CYB561: variants seen among roughly 807,000 people sequenced by gnomAD.
CYB561 encodes cytochrome b561, also known as transmembrane ascorbate-dependent reductase CYB561.
In CYB561, 11 loss-of-function variants were observed where a neutral mutation model predicts 25.3. The observed-to-expected ratio is 0.44, with a 90% confidence interval of 0.27 to 0.72. The LOEUF (loss-of-function observed/expected upper bound fraction) is 0.72, where lower values mean the gene tolerates loss of function less well. CYB561 is among the 30% of genes least tolerant of loss of function. The probability of loss-of-function intolerance (pLI) is 0.18; values close to 1 mark genes in which losing one functional copy is unlikely to be tolerated. For synonymous variants in CYB561, 165 were observed against 158.8 expected, an observed-to-expected ratio of 1.04 and a Z score of -0.29; for missense variants, 295 against 334.9, an observed-to-expected ratio of 0.88 and a Z score of 0.93.
chr17:63,437,787 C>G, intron 1 of CYB561: 1 of 471,248 alleles, frequency 2.1e-6, no homozygotes, highest in Non-Finnish European at 3.8e-6. Flanking sequence ...AACACCCCCC[C>G]CGGGTTGCGC....
chr17:63,443,472 G>T (rs2049396040), intron 1 of CYB561, among the ~76,000 whole-genome samples: 1 of 152,226 alleles, frequency 6.6e-6, no homozygotes. Context: ...AAGCAGCAGA[G>T]CCTGAAGTCA....
intron 4 of CYB561, chr17:63,435,449 C>A: frequency 1.5e-6 from 1 of 681,024 alleles, no homozygotes; most frequent in Non-Finnish European, 2.5e-6. Context: ...GGCCTTGGCA[C>A]ACTCAGAAAG....
In CYB561 at chr17:63,434,191, C is replaced by G. The variant is rs565773583; in HGVS notation, c.*211G>C. ...GAAGGGGGCAACAGAGACACGGGAGCCACACACAATGAACTGGTCTATAGC... is the reference window on the plus strand; with the variant it reads ...GAAGGGGGCAACAGAGACACGGGAGGCACACACAATGAACTGGTCTATAGC... On this transcript the variant is annotated 3_prime_UTR_variant, in exon 6 of 6. Transcript: ENST00000360793. The G allele has an allele frequency of 5.5e-6, 3 of 545,502 alleles. No homozygotes were observed. The allele number at this position is 545,502 out of a possible 1,614,324, so 33.8% of individuals were successfully genotyped here. A position where few individuals can be genotyped will look rare whatever the true frequency, so the allele number is the denominator to read the frequency against.
Position 63,436,994 on chromosome 17 carries a change from ACT to A in CYB561, c.202+350_202+351del, listed in dbSNP as rs1224113356. The A allele has an allele frequency of 9.2e-6, 3 of 325,760 alleles. No individual in the cohort carries two copies. Among genetic ancestry groups the A allele is most frequent in the Admixed American group, 9.5e-5 (2 of 21,154 alleles). 20.2% of individuals were successfully genotyped at this position (325,760 alleles called of 1,614,324 possible). On this transcript the variant is annotated intron_variant, in intron 2 of 5. Coordinates refer to ENST00000360793, the MANE Select transcript of CYB561 (RefSeq NM_001915.4). The surrounding 1 kb of genome is among the most constrained non-coding windows in gnomAD (Gnocchi z 4.8). ...CGCGCGCACGCACGCACGCATACAA[ACT>A]CTCACATATGATTACTTTTTTTCCC...
chr17:63,432,330 C>CTGT lies in CYB561; in HGVS notation c.*2069_*2071dup, dbSNP rs2049231391. 1.3e-5 allele frequency: 2 copies of CTGT among 152,208 alleles called. No individual in the cohort carries two copies. The highest frequency in any genetic ancestry group is 4.1e-4 in the South Asian group (2 of 4,830). 9.4% of individuals were successfully genotyped at this position (152,208 alleles called of 1,614,324 possible). A position where few individuals can be genotyped will look rare whatever the true frequency, so the allele number is the denominator to read the frequency against. On this transcript the variant is annotated 3_prime_UTR_variant, in exon 6 of 6. Transcript: ENST00000360793. The stretch of plus-strand genomic sequence containing the variant: ...CTGCTGTAGACATTTATTGAATCAT[C>CTGT]TGTTGCACCAACAGCACATTGTATT...
chr17:63,437,938 G>T (rs1391454839), intron 1 of CYB561: 1 of 761,182 alleles, frequency 1.3e-6, no homozygotes, highest in East Asian at 3.0e-5. Context: ...TAGAGACTGC[G>T]CCTGAGATGC....
In CYB561 at chr17:63,435,756, CCTT is replaced by C. The variant is rs1200800020; in HGVS notation, c.334_336del (p.Lys112del). On this transcript the variant is annotated inframe_deletion, in exon 4 of 6. Transcript: ENST00000360793. Reference sequence around the variant, plus strand: ...TGTAGGCTGTACAGGTCAGCGTAGCCCTTCTTCCTGTGGTAGTCGAACACCGCC... The same window carrying C: ...TGTAGGCTGTACAGGTCAGCGTAGCCCTTCCTGTGGTAGTCGAACACCGCC... 2 of 1,614,084 alleles carry C rather than the reference CCTT, an allele frequency of 1.2e-6. No individual in the cohort carries two copies. The highest frequency in any genetic ancestry group is 1.7e-6 in the Non-Finnish European group (2 of 1,180,048).
intron 1 of CYB561, chr17:63,437,927 C>G (rs2049329256): frequency 4.3e-6 from 3 of 704,282 alleles, no homozygotes; most frequent in Admixed American, 6.3e-5. Flanking sequence ...CGCACAGCCC[C>G]TAGAGACTGC....
At position 63,436,107 on chromosome 17, in the gene CYB561, G is replaced by A. The variant is rs765005122; in HGVS notation, c.248C>T (p.Thr83Ile). 1 of 1,614,240 alleles carries A rather than the reference G, an allele frequency of 6.2e-7. No homozygotes were observed. The highest frequency in any genetic ancestry group is 8.5e-7 in the Non-Finnish European group (1 of 1,180,026). Residue 83 changes from threonine (T) to isoleucine (I), a missense_variant, in exon 3 of 6, where the codon ACC (threonine) becomes ATC (isoleucine). Transcript: ENST00000360793. The surrounding 1 kb of genome is among the most constrained non-coding windows in gnomAD (Gnocchi z 4.8). ...GTGCAGCAGCCCGTGCAGGACCTTG[G>A]TGGTGCGTTTAGCTTCGTTCCTGAA... ...RVFRNEAKRT[T>I]KVLHGLLHIF...
upstream of CYB561, among the ~76,000 whole-genome samples, chr17:63,446,565 G>C (rs1487859852): frequency 6.6e-6 from 1 of 152,074 alleles, no homozygotes; most frequent in Admixed American, 6.5e-5. Context: ...GCCTGCGGGG[G>C]TGGAGGGCCG....
intron 1 of CYB561, among the ~76,000 whole-genome samples, chr17:63,438,769 T>TATGAG (rs2049344327): frequency 6.6e-6 from 1 of 152,134 alleles, no homozygotes; most frequent in South Asian, 2.1e-4. Context: ...AAGGCCCCGC[T>TATGAG]AAGAGCCCAA....
rs568466565 is a variant in CYB561 at position 63,436,302 on chromosome 17, G to A, written c.203-150C>T. Reference sequence around the variant, plus strand: ...TGCAGGAACCGGAGGAGAAAGCCAGGTTCCCTGGGGACCCTGGGCAGCTCC... The same window carrying A: ...TGCAGGAACCGGAGGAGAAAGCCAGATTCCCTGGGGACCCTGGGCAGCTCC... On this transcript the variant is annotated intron_variant, in intron 2 of 5. Transcript: ENST00000360793. The surrounding 1 kb of genome is among the most constrained non-coding windows in gnomAD (Gnocchi z 4.8). 1.3e-5 allele frequency: 13 copies of A among 1,037,042 alleles called. No individual in the cohort carries two copies. Among genetic ancestry groups the A allele is most frequent in the Admixed American group, 5.2e-5 (2 of 38,680 alleles). 64.2% of individuals were successfully genotyped at this position (1,037,042 alleles called of 1,614,324 possible). A position where few individuals can be genotyped will look rare whatever the true frequency, so the allele number is the denominator to read the frequency against.
intron 1 of CYB561, among the ~76,000 whole-genome samples, chr17:63,440,399 G>GC (rs890169104): frequency 4.6e-5 from 7 of 152,062 alleles, no homozygotes; most frequent in Non-Finnish European, 7.4e-5. Context: ...CATCCTCACT[G>GC]CCCCACCCAA....
chr17:63,437,486 TG>T lies in CYB561; in HGVS notation c.61del (p.Gln21SerfsTer5), dbSNP rs1412289206. 6.2e-7 allele frequency: 1 copy of T among 1,613,610 alleles called. No individual in the cohort carries two copies. The highest frequency in any genetic ancestry group is 1.3e-5 in the African/African-American group (1 of 74,914). On this transcript the variant is annotated frameshift_variant, in exon 2 of 6. Transcript: ENST00000360793. LOFTEE classifies it high-confidence loss of function. ...TALPYYVAFS[Q>X]LLGLTLVAMT... ...GGCCACCAAGGTCAGGCCCAGCAGC[TG>T]GGAGAAGGCCACGTAGTAAGGCAGT... is the stretch of plus-strand genomic sequence containing the variant.
chr17:63,440,492 C>T (rs542498663), intron 1 of CYB561, among the ~76,000 whole-genome samples: 60 of 152,280 alleles, frequency 3.9e-4, no homozygotes, highest in African/African-American at 1.3e-3. Context: ...CTGTCCCCTG[C>T]GTAAGTGCCC....
intron 1 of CYB561, chr17:63,443,002 C>CCTCCTTATCAA (rs1476202277): frequency 1.3e-5 from 2 of 152,328 alleles, no homozygotes; most frequent in African/African-American, 4.8e-5. Flanking sequence ...TGGCTACAGC[C>CCTCCTTATCAA]CTCCTTATCA....
At position 63,434,030 on chromosome 17, in the gene CYB561, GCC is replaced by G. The variant is rs546890726; in HGVS notation, c.*370_*371del. 1.2e-5 allele frequency: 3 copies of G among 246,552 alleles called. No homozygotes were observed. The highest frequency in any genetic ancestry group is 2.3e-5 in the Non-Finnish European group (3 of 129,090). 15.3% of individuals were successfully genotyped at this position (246,552 alleles called of 1,614,324 possible). ...TGGCCTTTCCAGGCCTGTCCCTGAGGCCCCCCCAGTTTCCCCTGGCCTTGCCC... is the reference window on the plus strand; with the variant it reads ...TGGCCTTTCCAGGCCTGTCCCTGAGGCCCCCAGTTTCCCCTGGCCTTGCCC... On this transcript the variant is annotated 3_prime_UTR_variant, in exon 6 of 6. Transcript: ENST00000360793.
At chr17:63,437,308 A>C in intron 2 of CYB561, 38 bp downstream of exon 2, 1 of 1,569,478 alleles carries the variant, frequency 6.4e-7, no homozygotes, top group Non-Finnish European at 8.8e-7. Flanking sequence ...AGGGACCCCC[A>C]CAAGCCCGGG....
intron 3 of CYB561, 98 bp from the exon 4 acceptor site, chr17:63,435,889 A>C (rs953345195): frequency 1.8e-5 from 29 of 1,581,696 alleles, no homozygotes; most frequent in Middle Eastern, 3.3e-4. Context: ...TCTGGGCTTT[A>C]GTCCCAGCTC....
Sources: allele counts gnomAD v4.1 joint callset (sites outside exome capture counted in the v4.1 genomes callset), GRCh38; gene constraint gnomAD v4.1.1; non-coding constraint Gnocchi (gnomAD v3.1); transcripts MANE v1.5; gene names NCBI Gene and HGNC (gene_info 2026-07-23, HGNC 2026-07-21).